Variants in PTPRD observed in about 807,000 individuals in gnomAD.
PTPRD encodes receptor-type tyrosine-protein phosphatase delta.
Under a neutral mutation model 214.5 loss-of-function variants are expected in PTPRD, and 34 were observed. The ratio of observed to expected loss-of-function variants is 0.16; its 90% CI spans 0.12 to 0.21. PTPRD has a LOEUF of 0.21. Ranked by LOEUF, PTPRD falls within the 10% of genes least tolerant of loss-of-function variation. PTPRD has a pLI of 1.00. For synonymous variants in PTPRD, 1,128 were observed against 845.7 expected, an observed-to-expected ratio of 1.33 and a Z score of -5.79; for missense variants, 2,545 against 2,398.7, an observed-to-expected ratio of 1.06 and a Z score of -1.27.
rs7871307 is a variant in PTPRD, at chr9:9,940,264, C to T, written c.-471-1654G>A. 3.3e-5 allele frequency among the ~76,000 whole-genome samples: 5 copies of T among 152,058 alleles called. No individual in the cohort carries two copies. The East Asian group carries it at 9.7e-4, about 30-fold the overall frequency. On this transcript the variant is annotated intron_variant, in intron 4 of 45. Coordinates refer to ENST00000381196, the MANE Select transcript of PTPRD (RefSeq NM_002839.4). The stretch of plus-strand genomic sequence containing the variant: ...GTAAGATGGCAGCACAGATGGAAGT[C>T]TGAGGATAAAGGATAAACCCCGCTC...
chr9:9,336,842 A>C (rs1318323530), intron 9 of PTPRD, among the ~76,000 whole-genome samples: 2 of 152,172 alleles, frequency 1.3e-5, no homozygotes, highest in Admixed American at 1.3e-4. Context: ...TCTTTGTGAT[A>C]GTTTATATGA....
chr9:9,330,218 A>G (rs2041796417), intron 9 of PTPRD, among the ~76,000 whole-genome samples: 1 of 152,070 alleles, frequency 6.6e-6, no homozygotes, highest in African/African-American at 2.4e-5. Flanking sequence ...CATTCCTTAC[A>G]TAGAACAGTT....
intron 5 of PTPRD, among the ~76,000 whole-genome samples, chr9:9,937,465 A>T (rs1241426689): frequency 6.6e-6 from 1 of 151,674 alleles, no homozygotes; most frequent in Non-Finnish European, 1.5e-5. Flanking sequence ...TACTATTAGA[A>T]AAAATATTTT....
At chr9:8,867,468 G>C (rs924940104) in intron 11 of PTPRD, among the ~76,000 whole-genome samples, 1 of 152,152 alleles carries the variant, frequency 6.6e-6, no homozygotes, top group Admixed American at 6.6e-5. Context: ...TGCTAGGTGA[G>C]TCCCAGGCTC....
intron 8 of PTPRD, among the ~76,000 whole-genome samples, chr9:9,496,786 A>G (rs2096211592): frequency 6.6e-6 from 1 of 152,224 alleles, no homozygotes. Context: ...AGGGTCTTGA[A>G]GAGACATTTA....
At chr9:8,472,842 T>C (rs1361956019) in intron 30 of PTPRD, among the ~76,000 whole-genome samples, 2 of 152,168 alleles carry the variant, frequency 1.3e-5, no homozygotes, top group East Asian at 3.9e-4. Flanking sequence ...TGGTGAAGAA[T>C]ATGGCACTTG....
intron 11 of PTPRD, among the ~76,000 whole-genome samples, chr9:8,834,958 G>C (rs556327937): frequency 6.6e-6 from 1 of 152,166 alleles, no homozygotes. Context: ...CTCACAGCAT[G>C]GCTGGTGCTT....
intron 2 of PTPRD, among the ~76,000 whole-genome samples, chr9:10,598,698 GT>G (rs2077203845): frequency 1.2e-5 from 1 of 84,648 alleles, no homozygotes; most frequent in African/African-American, 4.0e-5. Context: ...GTGTGTGTGT[GT>G]GTGTGGTGTG....
intron 35 of PTPRD, among the ~76,000 whole-genome samples, chr9:8,426,090 T>G (rs979151598): frequency 2.0e-5 from 3 of 152,186 alleles, no homozygotes; most frequent in Non-Finnish European, 4.4e-5. Flanking sequence ...AAAAGTCATG[T>G]TAAGTGACTG....
intron 2 of PTPRD, among the ~76,000 whole-genome samples, chr9:10,509,057 C>T (rs2047057368): frequency 1.3e-5 from 2 of 151,898 alleles, no homozygotes; most frequent in Non-Finnish European, 2.9e-5. Flanking sequence ...TATGATTCTC[C>T]ACTGTAAATT....
At chr9:9,426,101 G>C (rs113765792) in intron 8 of PTPRD, among the ~76,000 whole-genome samples, 9,814 of 152,174 alleles carry the variant, frequency 0.064, 353 homozygotes, top group Middle Eastern at 0.17. Context: ...AGCTGAAGCA[G>C]GGTGAGGCAT....
chr9:9,751,925 AAATT>A (rs1393195740), intron 6 of PTPRD, among the ~76,000 whole-genome samples: 1 of 152,178 alleles, frequency 6.6e-6, no homozygotes, highest in African/African-American at 2.4e-5. Context: ...AGCTCTTAAT[AAATT>A]AATATTAAAA....
At chr9:9,298,450 A>C (rs1953973164) in intron 9 of PTPRD, among the ~76,000 whole-genome samples, 1 of 151,798 alleles carries the variant, frequency 6.6e-6, no homozygotes, top group African/African-American at 2.4e-5. Flanking sequence ...CAGATGGAAT[A>C]CACTTAAAAA....
intron 8 of PTPRD, among the ~76,000 whole-genome samples, chr9:9,449,848 A>G (rs1027265394): frequency 6.6e-6 from 1 of 151,886 alleles, no homozygotes; most frequent in East Asian, 1.9e-4. Context: ...AGCAGTGTAC[A>G]CTATATACAA....
chr9:8,978,899 A>G (rs2099287314), intron 11 of PTPRD, among the ~76,000 whole-genome samples: 1 of 152,146 alleles, frequency 6.6e-6, no homozygotes, highest in South Asian at 2.1e-4. Context: ...ACACTTTGCA[A>G]GGCAATGCAC....
At chr9:9,442,699 G>A (rs993763338) in intron 8 of PTPRD, among the ~76,000 whole-genome samples, 1 of 152,120 alleles carries the variant, frequency 6.6e-6, no homozygotes, top group Non-Finnish European at 1.5e-5. Flanking sequence ...TTCTGAAGCT[G>A]TAAATCAAAA....
chr9:8,672,027 C>T (rs1369975055), intron 12 of PTPRD, among the ~76,000 whole-genome samples: 1 of 152,154 alleles, frequency 6.6e-6, no homozygotes, highest in East Asian at 1.9e-4. Flanking sequence ...CACAAGTTTT[C>T]ATTCAAACTA....
chr9:8,551,935 G>A (rs1323581), intron 14 of PTPRD, among the ~76,000 whole-genome samples: 67,039 of 152,018 alleles, frequency 0.44, 18,710 homozygotes, highest in African/African-American at 0.78. Flanking sequence ...GCAAATAAGT[G>A]TAGATAAAAT....
At chr9:8,391,758 T>G (rs746228880) in intron 36 of PTPRD, among the ~76,000 whole-genome samples, 1 of 152,136 alleles carries the variant, frequency 6.6e-6, no homozygotes, top group African/African-American at 2.4e-5. Flanking sequence ...ATTCATCACC[T>G]GGGCCCTGTG....
Sources: allele counts gnomAD v4.1 joint callset (sites outside exome capture counted in the v4.1 genomes callset), GRCh38; gene constraint gnomAD v4.1.1; transcripts MANE v1.5; gene names NCBI Gene and HGNC (gene_info 2026-07-23, HGNC 2026-07-21).